Variants in WWOX observed in about 807,000 individuals in gnomAD.
WWOX encodes WW domain-containing oxidoreductase.
In WWOX, 69 loss-of-function variants were observed where a neutral mutation model predicts 46.2. The ratio of observed to expected loss-of-function variants is 1.49; its 90% CI spans 1.23 to 1.82. The LOEUF (loss-of-function observed/expected upper bound fraction) is 1.82, where lower values mean the gene tolerates loss of function less well. Ranked by LOEUF, WWOX falls within the 40% of genes most tolerant of loss-of-function variation. The pLI is 0.00. For synonymous variants in WWOX, 359 were observed against 202.6 expected, an observed-to-expected ratio of 1.77 and a Z score of -6.56; for missense variants, 919 against 542.6, an observed-to-expected ratio of 1.69 and a Z score of -6.89.
At chr16:78,706,431 G>T (rs2048329669) in intron 8 of WWOX, among the ~76,000 whole-genome samples, 1 of 152,038 alleles carries the variant, frequency 6.6e-6, no homozygotes, top group African/African-American at 2.4e-5. Context: ...TTCCATTTCA[G>T]ATTTCTTTCT....
chr16:78,424,827 G>C, intron 6 of WWOX, 43 bp from the exon 7 acceptor site: 1 of 1,609,200 alleles, frequency 6.2e-7, no homozygotes, highest in Non-Finnish European at 8.5e-7. Flanking sequence ...ATCCTTGGTT[G>C]TAGTGTTTAT....
rs75303440 is a variant in WWOX, at chr16:78,253,852, G to A, written c.516+89563G>A. On this transcript the variant is annotated intron_variant, in intron 5 of 8. Transcript: ENST00000566780. ...ACTTGGGAAAGAAAAATGTAAGGTGGTAAGCTTACGTACATGCTTTCGGCA... is the reference window on the plus strand; with the variant it reads ...ACTTGGGAAAGAAAAATGTAAGGTGATAAGCTTACGTACATGCTTTCGGCA... 7.5e-3 allele frequency among the ~76,000 whole-genome samples: 1,136 copies of A among 152,186 alleles called. 8 individuals carry two copies. Among genetic ancestry groups the A allele is most frequent in the Middle Eastern group, 0.034 (10 of 294 alleles).
chr16:79,079,279 T>A (rs566311135), intron 8 of WWOX, among the ~76,000 whole-genome samples: 1 of 152,336 alleles, frequency 6.6e-6, no homozygotes, highest in East Asian at 1.9e-4. Flanking sequence ...CCTTAGCCCA[T>A]AAGTGACTCA....
chr16:78,977,329 C>T (rs887709850), intron 8 of WWOX, among the ~76,000 whole-genome samples: 3 of 152,180 alleles, frequency 2.0e-5, no homozygotes, highest in East Asian at 3.9e-4. Flanking sequence ...CTTTTGGATC[C>T]TCCAGAGGCC....
chr16:78,431,847 G>C (rs2041067229), intron 7 of WWOX, among the ~76,000 whole-genome samples: 1 of 151,996 alleles, frequency 6.6e-6, no homozygotes, highest in African/African-American at 2.4e-5. Context: ...CCCCCAAGTA[G>C]CTGGGACCAC....
intron 8 of WWOX, among the ~76,000 whole-genome samples, chr16:79,198,294 C>A (rs933005075): frequency 5.3e-5 from 8 of 152,078 alleles, no homozygotes; most frequent in Admixed American, 4.6e-4. Context: ...GCCGAGATTG[C>A]GCCACTGTAC....
intron 8 of WWOX, among the ~76,000 whole-genome samples, chr16:78,745,309 C>T (rs111783493): frequency 8.5e-5 from 13 of 152,266 alleles, no homozygotes; most frequent in African/African-American, 3.1e-4. Flanking sequence ...CGCCTTCCTC[C>T]ACCTCTGCCT....
intron 5 of WWOX, among the ~76,000 whole-genome samples, chr16:78,381,245 G>C (rs1206213314): frequency 2.6e-5 from 4 of 152,178 alleles, no homozygotes; most frequent in Non-Finnish European, 4.4e-5. Context: ...AATGATACTA[G>C]AGATCACTGT....
At chr16:78,980,123 A>C (rs1003133) in intron 8 of WWOX, among the ~76,000 whole-genome samples, 3,987 of 152,286 alleles carry the variant, frequency 0.026, 89 homozygotes, top group Non-Finnish European at 0.043. Flanking sequence ...GCGAGACTCC[A>C]TCTCAAATCA....
chr16:79,144,652 A>G (rs1055073224), intron 8 of WWOX, among the ~76,000 whole-genome samples: 1 of 152,196 alleles, frequency 6.6e-6, no homozygotes, highest in Non-Finnish European at 1.5e-5. Context: ...TGACTTTATA[A>G]TATTAAGTTC....
At chr16:78,623,608 A>T (rs185591458) in intron 8 of WWOX, among the ~76,000 whole-genome samples, 94 of 152,182 alleles carry the variant, frequency 6.2e-4, no homozygotes, top group African/African-American at 2.2e-3. Context: ...TGAACCCGAG[A>T]GGCAGGGGTT....
At chr16:78,650,325 C>G (rs943789989) in intron 8 of WWOX, among the ~76,000 whole-genome samples, 1 of 152,180 alleles carries the variant, frequency 6.6e-6, no homozygotes, top group African/African-American at 2.4e-5. Flanking sequence ...ATACTGCTGT[C>G]TGTAAAAATA....
intron 5 of WWOX, among the ~76,000 whole-genome samples, chr16:78,217,646 C>T (rs971767222): frequency 6.6e-6 from 1 of 152,066 alleles, no homozygotes; most frequent in Non-Finnish European, 1.5e-5. Context: ...TTGAAAGTTA[C>T]TAGGTGCCAG....
chr16:78,607,532 A>G (rs1451356274), intron 8 of WWOX, among the ~76,000 whole-genome samples: 1 of 152,188 alleles, frequency 6.6e-6, no homozygotes, highest in Non-Finnish European at 1.5e-5. Context: ...TACACCTGAA[A>G]CCAACCAAAG....
intron 5 of WWOX, among the ~76,000 whole-genome samples, chr16:78,226,060 A>G (rs373717067): frequency 2.0e-5 from 3 of 152,190 alleles, no homozygotes; most frequent in South Asian, 2.1e-4. Flanking sequence ...ATGTTGGCTC[A>G]CTTGGTGAAT....
chr16:78,519,330 G>C (rs778944909), intron 8 of WWOX, among the ~76,000 whole-genome samples: 1 of 152,100 alleles, frequency 6.6e-6, no homozygotes, highest in African/African-American at 2.4e-5. Flanking sequence ...TGTTGCTCTG[G>C]TAATAGTCAT....
chr16:78,685,214 A>G (rs1408141763), intron 8 of WWOX, among the ~76,000 whole-genome samples: 2 of 152,182 alleles, frequency 1.3e-5, no homozygotes, highest in Non-Finnish European at 2.9e-5. Context: ...ACCCTCAGCC[A>G]GGGCAGGAGT....
chr16:79,159,226 G>A (rs1055931080), intron 8 of WWOX, among the ~76,000 whole-genome samples: 1 of 152,168 alleles, frequency 6.6e-6, no homozygotes, highest in Non-Finnish European at 1.5e-5. Flanking sequence ...AATTACCAGG[G>A]CAGCCTCTGA....
chr16:78,493,448 G>A (rs1043257843), intron 8 of WWOX, among the ~76,000 whole-genome samples: 1 of 152,196 alleles, frequency 6.6e-6, no homozygotes, highest in Non-Finnish European at 1.5e-5. Flanking sequence ...AGGTCCACCT[G>A]TGTGAGTAAC....
Sources: gnomAD v4.1 joint callset for allele counts (sites outside exome capture counted in the v4.1 genomes callset) on GRCh38, gnomAD v4.1.1 for gene constraint, MANE v1.5 for transcripts, NCBI Gene and HGNC (gene_info 2026-07-23, HGNC 2026-07-21) for gene names.